PCGF5: variants seen among roughly 807,000 people sequenced by gnomAD.
The protein encoded by PCGF5 is polycomb group ring finger 5.
A neutral mutation model predicts 44.3 loss-of-function variants in PCGF5; 9 were observed. The ratio of observed to expected loss-of-function variants is 0.20; its 90% CI spans 0.12 to 0.35. The LOEUF is 0.35. Ranked by LOEUF, PCGF5 falls within the 10% of genes least tolerant of loss-of-function variation. PCGF5 has a pLI of 1.00. For synonymous variants in PCGF5, 95 were observed against 102.5 expected (o/e 0.93, Z 0.44); for missense variants, 146 against 305.3 (o/e 0.48, Z 3.89).
chr10:91,262,625 G>A (rs1032369175), intron 7 of PCGF5, among the ~76,000 whole-genome samples: 5 of 152,112 alleles, frequency 3.3e-5, no homozygotes, highest in Non-Finnish European at 7.4e-5. Context: ...CTGATCCTGA[G>A]CTTATTTGAA....
intron 1 of PCGF5, among the ~76,000 whole-genome samples, chr10:91,186,946 G>A (rs897081929): frequency 6.6e-6 from 1 of 152,158 alleles, no homozygotes; most frequent in Non-Finnish European, 1.5e-5. Context: ...AGTGAAAATC[G>A]CTAGGCCAGT....
At chr10:91,272,267 G>T (rs1399528459) in intron 9 of PCGF5, among the ~76,000 whole-genome samples, 2 of 152,110 alleles carry the variant, frequency 1.3e-5, no homozygotes, top group African/African-American at 4.8e-5. Context: ...AACAGACAAG[G>T]GTATAGTAAA....
chr10:91,247,444 A>C (rs1845495143), intron 3 of PCGF5, among the ~76,000 whole-genome samples: 1 of 152,154 alleles, frequency 6.6e-6, no homozygotes, highest in Non-Finnish European at 1.5e-5. Flanking sequence ...TTAGAAGGAA[A>C]GATTGAGAAA....
chr10:91,238,601 C>CTTTTTT (rs71487496), intron 2 of PCGF5, among the ~76,000 whole-genome samples: 619 of 58,478 alleles, frequency 0.011, 4 homozygotes, highest in Non-Finnish European at 0.015. Flanking sequence ...TTCTTTCTTT[C>CTTTTTT]TTTTTTTTTT....
rs1383261873 is a variant in PCGF5, at chr10:91,283,440, T to C, written c.*5124T>C. On this transcript the variant is annotated 3_prime_UTR_variant, in exon 10 of 10. Transcript: ENST00000336126. The stretch of plus-strand genomic sequence containing the variant: ...GATATGTTAAATACTGAGTCTAGTT[T>C]TCTTCCATCTTATGGAGCTTCATGG... The C allele has an allele frequency of 6.6e-6, 1 of 152,246 alleles. No homozygotes were observed. The highest frequency in any genetic ancestry group is 1.5e-5 in the Non-Finnish European group (1 of 68,046). The allele number at this position is 152,246 out of a possible 1,614,324, so 9.4% of individuals were successfully genotyped here. A position where few individuals can be genotyped will look rare whatever the true frequency, so the allele number is the denominator to read the frequency against.
rs71487496 is a variant in PCGF5, at chr10:91,238,601, C to CTTTTTTT, written c.113-1859_113-1853dup. The stretch of plus-strand genomic sequence containing the variant: ...CTCTCATTTCTTTCTTTCTTTCTTT[C>CTTTTTTT]TTTTTTTTTTTTTTTTTTTTTTTTT... On this transcript the variant is annotated intron_variant, in intron 2 of 9. Transcript: ENST00000336126. 6.2e-3 allele frequency among the ~76,000 whole-genome samples: 365 copies of CTTTTTTT among 58,516 alleles called. 6 individuals are homozygous for CTTTTTTT. The highest frequency in any genetic ancestry group is 0.011 in the East Asian group (21 of 1,952). The allele number at this position is 58,516 out of a possible 152,430, so 38.4% of individuals were successfully genotyped here.
At chr10:91,258,007 G>A (rs1471732694) in intron 6 of PCGF5, among the ~76,000 whole-genome samples, 3 of 152,024 alleles carry the variant, frequency 2.0e-5, no homozygotes, top group African/African-American at 4.8e-5. Context: ...CAAAATAGAT[G>A]AATCTTGAAA....
At chr10:91,258,387 G>T (rs577719041) in intron 6 of PCGF5, among the ~76,000 whole-genome samples, 4 of 152,176 alleles carry the variant, frequency 2.6e-5, no homozygotes, top group South Asian at 4.1e-4. Flanking sequence ...ATCCAAAATG[G>T]TTGGGACCAG....
At chr10:91,165,735 T>G (rs1387928239) in intron 1 of PCGF5, among the ~76,000 whole-genome samples, 1 of 152,210 alleles carries the variant, frequency 6.6e-6, no homozygotes, top group African/African-American at 2.4e-5. Flanking sequence ...TTAAACATCT[T>G]AAATGGATTC....
intron 1 of PCGF5, among the ~76,000 whole-genome samples, chr10:91,211,046 G>A (rs1844442791): frequency 6.6e-6 from 1 of 152,058 alleles, no homozygotes; most frequent in Non-Finnish European, 1.5e-5. Flanking sequence ...TTAAATAAGT[G>A]GTCCAAAGCA....
At chr10:91,175,175 C>T (rs943079076) in intron 1 of PCGF5, among the ~76,000 whole-genome samples, 1 of 152,132 alleles carries the variant, frequency 6.6e-6, no homozygotes, top group African/African-American at 2.4e-5. Context: ...TGCCATACCA[C>T]AAGATGAAGT....
intron 1 of PCGF5, among the ~76,000 whole-genome samples, chr10:91,170,081 G>A (rs532521896): frequency 6.6e-6 from 1 of 152,120 alleles, no homozygotes; most frequent in Non-Finnish European, 1.5e-5. Context: ...TGCAAAAAAA[G>A]AAAAAAGTTA....
chr10:91,258,775 T>G (rs1845822520), intron 6 of PCGF5, among the ~76,000 whole-genome samples: 1 of 152,142 alleles, frequency 6.6e-6, no homozygotes, highest in African/African-American at 2.4e-5. Flanking sequence ...AACTTTTAAC[T>G]TCTGTTTTCT....
At chr10:91,173,979 C>G (rs1843659041) in intron 1 of PCGF5, among the ~76,000 whole-genome samples, 1 of 151,806 alleles carries the variant, frequency 6.6e-6, no homozygotes, top group Admixed American at 6.6e-5. Flanking sequence ...TTTTGGGCAG[C>G]AAAGATCTTC....
In PCGF5 at chr10:91,282,874, CA is replaced by C. The variant is rs1846487392; in HGVS notation, c.*4562del. 1 of 152,566 alleles carries C rather than the reference CA, an allele frequency of 6.6e-6. No homozygotes were observed. Among genetic ancestry groups the C allele is most frequent in the Non-Finnish European group, 1.5e-5 (1 of 68,028 alleles). 9.5% of individuals were successfully genotyped at this position (152,566 alleles called of 1,614,324 possible). A position where few individuals can be genotyped will look rare whatever the true frequency, so the allele number is the denominator to read the frequency against. Reference sequence around the variant, plus strand: ...ACTTTAATTTTCTGGATTAGAAACACAAAACTTGAAATGCAATTATCAATAT... The same window carrying C: ...ACTTTAATTTTCTGGATTAGAAACACAAACTTGAAATGCAATTATCAATAT... On this transcript the variant is annotated 3_prime_UTR_variant, in exon 10 of 10. Transcript: ENST00000336126.
chr10:91,268,425 T>C (rs1846096049), intron 8 of PCGF5, among the ~76,000 whole-genome samples: 1 of 152,188 alleles, frequency 6.6e-6, no homozygotes, highest in Admixed American at 6.5e-5. Flanking sequence ...AGCTTTAGAA[T>C]AGGATTGCGA....
intron 9 of PCGF5, among the ~76,000 whole-genome samples, chr10:91,274,757 G>A (rs1465558562): frequency 6.6e-6 from 1 of 152,204 alleles, no homozygotes; most frequent in Non-Finnish European, 1.5e-5. Flanking sequence ...AATATCTGAG[G>A]TAGAGCACTG....
At chr10:91,244,314 C>T (rs1845404741) in intron 3 of PCGF5, among the ~76,000 whole-genome samples, 1 of 152,004 alleles carries the variant, frequency 6.6e-6, no homozygotes, top group African/African-American at 2.4e-5. Context: ...ATGCCTATTC[C>T]AGGTAAAGGG....
upstream of PCGF5, among the ~76,000 whole-genome samples, chr10:91,159,256 T>G (rs1292074393): frequency 1.3e-5 from 2 of 152,134 alleles, no homozygotes; most frequent in African/African-American, 4.8e-5. Context: ...CATAATTTTT[T>G]TTTGCCTATA....
Sources: allele counts gnomAD v4.1 joint callset (sites outside exome capture counted in the v4.1 genomes callset), GRCh38; gene constraint gnomAD v4.1.1; transcripts MANE v1.5; gene names NCBI Gene and HGNC (gene_info 2026-07-23, HGNC 2026-07-21).